RANBP17: variants seen among roughly 807,000 people sequenced by gnomAD.
RANBP17 encodes the protein RAN binding protein 17.
RANBP17 carries 158 observed loss-of-function variants against 141.2 expected under a neutral mutation model. The ratio of observed to expected loss-of-function variants is 1.12; its 90% CI spans 0.98 to 1.28. The LOEUF (loss-of-function observed/expected upper bound fraction) is 1.28. RANBP17 is among the 50% of genes most tolerant of loss of function. The pLI, the probability that RANBP17 is intolerant of heterozygous loss-of-function variation, is 0.00. For missense variants in RANBP17, 1,438 were observed against 1,290.7 expected (o/e 1.11, Z -1.75); for synonymous variants, 430 against 450.0 (o/e 0.96, Z 0.56).
At chr5:171,278,468 G>A (rs1441935295) in intron 25 of RANBP17, among the ~76,000 whole-genome samples, 4 of 152,120 alleles carry the variant, frequency 2.6e-5, no homozygotes, top group Middle Eastern at 3.4e-3. Flanking sequence ...GCAGTGAGGC[G>A]CCATTGCACT....
At chr5:171,202,124 G>A (rs952943484) in intron 19 of RANBP17, among the ~76,000 whole-genome samples, 7 of 152,220 alleles carry the variant, frequency 4.6e-5, no homozygotes, top group Middle Eastern at 3.4e-3. Context: ...AGTTGTTAGA[G>A]GAGGAAATGC....
At chr5:171,171,079 C>T in intron 15 of RANBP17, 127 bp from the exon 16 acceptor site, 2 of 552,338 alleles carry the variant, frequency 3.6e-6, no homozygotes, top group Non-Finnish European at 6.4e-6. Context: ...GTTTTTGAGC[C>T]TGTTTTTCAC....
intron 11 of RANBP17, among the ~76,000 whole-genome samples, chr5:170,923,521 A>G (rs1007912903): frequency 6.6e-6 from 1 of 152,162 alleles, no homozygotes; most frequent in Admixed American, 6.5e-5. Flanking sequence ...CTTAGTTTCT[A>G]CAAAGAAGTT....
intron 7 of RANBP17, 192 bp downstream of exon 7, chr5:170,911,326 T>A: frequency 1.7e-6 from 1 of 596,356 alleles, no homozygotes; most frequent in Non-Finnish European, 2.9e-6. Context: ...ACTTCTATAT[T>A]TTGATTTAGG....
At chr5:171,149,812 T>C (rs1758342319) in intron 14 of RANBP17, among the ~76,000 whole-genome samples, 1 of 152,204 alleles carries the variant, frequency 6.6e-6, no homozygotes. Flanking sequence ...TTTTCCACCT[T>C]TCTAAGATTA....
At chr5:170,938,743 G>C (rs1774087958) in intron 12 of RANBP17, among the ~76,000 whole-genome samples, 1 of 152,036 alleles carries the variant, frequency 6.6e-6, no homozygotes, top group South Asian at 2.1e-4. Context: ...CTGGCAGTTA[G>C]AACTGAAGAA....
chr5:170,977,188 T>G (rs1372803031), intron 14 of RANBP17, among the ~76,000 whole-genome samples: 1 of 151,992 alleles, frequency 6.6e-6, no homozygotes, highest in Admixed American at 6.6e-5. Context: ...GCAAAAGATC[T>G]AAACAGACAT....
chr5:170,964,894 G>A (rs1025754889), intron 13 of RANBP17, among the ~76,000 whole-genome samples: 5 of 152,192 alleles, frequency 3.3e-5, no homozygotes, highest in African/African-American at 1.2e-4. Flanking sequence ...ATGATTTATA[G>A]TCCTTTGGGT....
intron 24 of RANBP17, among the ~76,000 whole-genome samples, chr5:171,248,094 C>T (rs954378573): frequency 3.9e-5 from 6 of 152,098 alleles, no homozygotes; most frequent in South Asian, 2.1e-4. Context: ...AGGCTGGGCG[C>T]GTTGGCTAAC....
At chr5:171,100,853 A>T (rs1787103889) in intron 14 of RANBP17, among the ~76,000 whole-genome samples, 1 of 152,106 alleles carries the variant, frequency 6.6e-6, no homozygotes, top group East Asian at 1.9e-4. Context: ...TAATTTCGTT[A>T]TTTACCCAGT....
chr5:171,056,715 A>C (rs995302976), intron 14 of RANBP17, among the ~76,000 whole-genome samples: 3 of 152,154 alleles, frequency 2.0e-5, no homozygotes, highest in African/African-American at 7.2e-5. Context: ...ATCATTTATA[A>C]TTTTACTTTG....
At chr5:171,119,482 A>C (rs184331894) in intron 14 of RANBP17, among the ~76,000 whole-genome samples, 1 of 152,240 alleles carries the variant, frequency 6.6e-6, no homozygotes, top group African/African-American at 2.4e-5. Flanking sequence ...TAAGCAGTGA[A>C]GCCATCTGCT....
At chr5:171,257,126 T>A (rs932457801) in intron 24 of RANBP17, among the ~76,000 whole-genome samples, 1 of 152,154 alleles carries the variant, frequency 6.6e-6, no homozygotes, top group Non-Finnish European at 1.5e-5. Flanking sequence ...ACAAAAAAAC[T>A]ACAGGCCATT....
chr5:171,220,441 CTTTTTTTTTTTT>C (rs1173697219), intron 21 of RANBP17, among the ~76,000 whole-genome samples: 1 of 73,012 alleles, frequency 1.4e-5, no homozygotes, highest in African/African-American at 5.7e-5. Context: ...CCAGATGATT[CTTTTTTTTTTTT>C]TTTTTTTTTT....
intron 7 of RANBP17, among the ~76,000 whole-genome samples, chr5:170,912,318 C>T (rs575383896): frequency 2.0e-5 from 3 of 151,814 alleles, no homozygotes; most frequent in East Asian, 1.9e-4. Flanking sequence ...TGAGTTTCCT[C>T]GTTGAGATAT....
intron 14 of RANBP17, among the ~76,000 whole-genome samples, chr5:171,108,930 T>C (rs1755033396): frequency 6.6e-6 from 1 of 152,160 alleles, no homozygotes; most frequent in African/African-American, 2.4e-5. Context: ...AAAAACAATA[T>C]ACCAATGGAC....
At chr5:170,993,821 T>A (rs1778654215) in intron 14 of RANBP17, among the ~76,000 whole-genome samples, 1 of 152,122 alleles carries the variant, frequency 6.6e-6, no homozygotes, top group East Asian at 1.9e-4. Context: ...AAATGAGCAC[T>A]CTCCCAGCTG....
intron 12 of RANBP17, among the ~76,000 whole-genome samples, chr5:170,928,510 A>C (rs1438320977): frequency 6.6e-6 from 1 of 151,886 alleles, no homozygotes; most frequent in Non-Finnish European, 1.5e-5. Context: ...CATTTTTGTG[A>C]ATGTTGTGAG....
intron 3 of RANBP17, 45 bp from the exon 4 acceptor site, chr5:170,892,342 T>G: frequency 1.5e-6 from 2 of 1,323,038 alleles, no homozygotes; most frequent in Non-Finnish European, 2.1e-6. Flanking sequence ...CACACTATGT[T>G]GTTTCTGAAA....
Sources: allele counts gnomAD v4.1 joint callset (sites outside exome capture counted in the v4.1 genomes callset), GRCh38; gene constraint gnomAD v4.1.1; transcripts MANE v1.5; gene names NCBI Gene and HGNC (gene_info 2026-07-23, HGNC 2026-07-21).